Variants in MICALL1 observed in about 807,000 individuals in gnomAD.
MICALL1 encodes MICAL-like protein 1.
A neutral mutation model predicts 83.7 loss-of-function variants in MICALL1; 61 were observed. The ratio of observed to expected loss-of-function variants is 0.73; its 90% confidence interval spans 0.59 to 0.90. The LOEUF (loss-of-function observed/expected upper bound fraction) is 0.90. Among genes scored for constraint, MICALL1 ranks in the 40% least tolerant of loss-of-function variants. The pLI is 0.00. For missense variants in MICALL1, 1,066 were observed against 1,152.0 expected (o/e 0.93, Z 1.08); for synonymous variants, 481 against 473.6 (o/e 1.02, Z -0.20).
chr22:37,937,056 C>A, intron 13 of MICALL1, 24 bp from the exon 14 acceptor site: 1 of 1,545,456 alleles, frequency 6.5e-7, no homozygotes, highest in South Asian at 1.2e-5. Flanking sequence ...CCACTCATGC[C>A]CCCTAACTTT....
rs997489749 is a variant in MICALL1 at position 37,932,145 on chromosome 22, T to C, written c.2016+212T>C. On this transcript the variant is annotated intron_variant, in intron 10 of 15. Transcript: ENST00000215957. The surrounding 1 kb of genome is among the most constrained non-coding windows in gnomAD (Gnocchi z 4.4). ...ATCAGCCCTTCACCACCAAAAGCAG[T>C]GGGTGGTGCATTTAATTTGTTACTA... Among the ~76,000 whole-genome samples the C allele has an allele frequency of 2.6e-5, 4 of 152,172 alleles. No homozygotes were observed. Among genetic ancestry groups the C allele is most frequent in the Non-Finnish European group, 5.9e-5 (4 of 68,020 alleles).
At chr22:37,915,569 C>T (rs1199881567) in intron 3 of MICALL1, among the ~76,000 whole-genome samples, 1 of 151,916 alleles carries the variant, frequency 6.6e-6, no homozygotes, top group Non-Finnish European at 1.5e-5. Flanking sequence ...GAATAACACC[C>T]ATCTCACAGG....
At position 37,941,036 on chromosome 22, in the gene MICALL1, G is replaced by A; in HGVS notation, c.*206G>A. ...CTCTTGTTTCTTCTCCGAGCCCCAG[G>A]CAGCGGTGATTCAGCCCTGCCCAAC... On this transcript the variant is annotated 3_prime_UTR_variant, in exon 16 of 16. Coordinates refer to ENST00000215957, the MANE Select transcript of MICALL1 (RefSeq NM_033386.4). The A allele has an allele frequency of 1.7e-6, 1 of 582,942 alleles. No homozygotes were observed. The highest frequency in any genetic ancestry group is 1.9e-5 in the African/African-American group (1 of 52,912). The allele number at this position is 582,942 out of a possible 1,614,324, so 36.1% of individuals were successfully genotyped here. A position where few individuals can be genotyped will look rare whatever the true frequency, so the allele number is the denominator to read the frequency against.
In MICALL1 at chr22:37,925,739, C is replaced by G. The variant is rs568874587; in HGVS notation, c.1161C>G (p.Pro387=). Residue 387 remains proline, a synonymous_variant, in exon 8 of 16, where the codon CCC becomes CCG. Coordinates refer to ENST00000215957, the MANE Select transcript of MICALL1 (RefSeq NM_033386.4). ...CAAAGAAGAAGCCAGCCCCACTTCC[C>G]CCAAGCAGCAGCCCGGGGCCACCAA... ...AEPKKKPAPL[P]PSSSPGPPSQ... 6.2e-7 allele frequency: 1 copy of G among 1,612,466 alleles called. No individual in the cohort carries two copies. Among genetic ancestry groups the G allele is most frequent in the East Asian group, 2.2e-5 (1 of 44,862 alleles).
In MICALL1 at chr22:37,941,815, AGAG is replaced by A. The variant is rs763405390; in HGVS notation, c.*992_*994del. On this transcript the variant is annotated 3_prime_UTR_variant, in exon 16 of 16. Coordinates refer to ENST00000215957, the MANE Select transcript of MICALL1 (RefSeq NM_033386.4). ...CTCACCCCTCTGGGATGGCTATGGGAGAGGAGGAGTGATGGGGACCGCCACCTT... is the reference window on the plus strand; with the variant it reads ...CTCACCCCTCTGGGATGGCTATGGGAGAGGAGTGATGGGGACCGCCACCTT... 2.0e-5 allele frequency: 3 copies of A among 152,202 alleles called. No individual in the cohort carries two copies. The highest frequency in any genetic ancestry group is 2.9e-5 in the Non-Finnish European group (2 of 68,138). The allele number at this position is 152,202 out of a possible 1,614,324, so 9.4% of individuals were successfully genotyped here.
chr22:37,914,113 C>T (rs556460239), intron 3 of MICALL1, among the ~76,000 whole-genome samples: 39 of 151,026 alleles, frequency 2.6e-4, no homozygotes, highest in Middle Eastern at 3.5e-3. Context: ...TGACCTCAGG[C>T]GATCCACCTG....
intron 6 of MICALL1, among the ~76,000 whole-genome samples, chr22:37,922,653 A>G (rs1450644795): frequency 1.9e-5 from 2 of 107,470 alleles, no homozygotes; most frequent in Non-Finnish European, 3.5e-5. Flanking sequence ...CTTGTCCCCC[A>G]GGCTGGAGTG....
At chr22:37,931,972 G>A (rs1277694585) in intron 10 of MICALL1, 39 bp downstream of exon 10, 1 of 1,603,656 alleles carries the variant, frequency 6.2e-7, no homozygotes. Context: ...GCTGGCCTGG[G>A]CTGGCAACCC....
intron 9 of MICALL1, 129 bp from the exon 10 acceptor site, chr22:37,931,670 T>A (rs1178734837): frequency 6.3e-5 from 67 of 1,061,456 alleles, no homozygotes; most frequent in Non-Finnish European, 8.7e-5. Flanking sequence ...TCAAGGAGAC[T>A]GTCTCTTTGC....
At chr22:37,940,501 G>A (rs1378881796) in intron 15 of MICALL1, among the ~76,000 whole-genome samples, 2 of 152,158 alleles carry the variant, frequency 1.3e-5, no homozygotes, top group Non-Finnish European at 2.9e-5. Flanking sequence ...ACTGGAGGTG[G>A]GGAGGGGGAG....
At position 37,941,055 on chromosome 22, in the gene MICALL1, G is replaced by C. The variant is rs913019289; in HGVS notation, c.*225G>C. ...CCCCAGGCAGCGGTGATTCAGCCCTGCCCAACCTGATTCTGATGACTGCGG... is the reference window on the plus strand; with the variant it reads ...CCCCAGGCAGCGGTGATTCAGCCCTCCCCAACCTGATTCTGATGACTGCGG... On this transcript the variant is annotated 3_prime_UTR_variant, in exon 16 of 16. Coordinates refer to ENST00000215957, the MANE Select transcript of MICALL1 (RefSeq NM_033386.4). 1 of 497,392 alleles carries C rather than the reference G, an allele frequency of 2.0e-6. No individual in the cohort carries two copies. Among genetic ancestry groups the C allele is most frequent in the East Asian group, 4.0e-5 (1 of 25,042 alleles). 30.8% of individuals were successfully genotyped at this position (497,392 alleles called of 1,614,324 possible).
At chr22:37,918,147 A>AT (rs1176637591) in intron 4 of MICALL1, among the ~76,000 whole-genome samples, 1 of 152,158 alleles carries the variant, frequency 6.6e-6, no homozygotes, top group Non-Finnish European at 1.5e-5. Context: ...TAAAGCAAAG[A>AT]TTCCCCTTGA....
intron 1 of MICALL1, among the ~76,000 whole-genome samples, chr22:37,907,817 G>A (rs149004643): frequency 6.6e-6 from 1 of 152,354 alleles, no homozygotes; most frequent in Non-Finnish European, 1.5e-5. Flanking sequence ...AGGTGGTCAT[G>A]TAGGTGGGCC....
rs1489333228 is a variant in MICALL1, at chr22:37,906,537, G to A, written c.115G>A (p.Ala39Thr). Reference protein sequence around the residue: ...SSFRDGLAFCAILHRHRPDLL... With the variant: ...SSFRDGLAFCTILHRHRPDLL... ...CTTCCGGGACGGCCTGGCCTTCTGC[G>A]CCATCCTGCACCGGCACCGGCCCGA... Residue 39 changes from alanine to threonine, a missense_variant, in exon 1 of 16, where the codon GCC becomes ACC. Coordinates refer to ENST00000215957, the MANE Select transcript of MICALL1 (RefSeq NM_033386.4). This position sits in a 1 kb window ranked among gnomAD's most constrained non-coding sequence, Gnocchi z 4.4. 2.5e-6 allele frequency: 3 copies of A among 1,219,188 alleles called. No individual in the cohort carries two copies. The highest frequency in any genetic ancestry group is 3.1e-5 in the South Asian group (1 of 32,228). The allele number at this position is 1,219,188 out of a possible 1,614,324, so 75.5% of individuals were successfully genotyped here. A position where few individuals can be genotyped will look rare whatever the true frequency, so the allele number is the denominator to read the frequency against.
rs1929517837 is a variant in MICALL1 at position 37,927,428 on chromosome 22, C to T, written c.1483C>T (p.Leu495Phe). ...ASPLALHASR[L>F]SHSEPPSATP... ...CCGCACAGCTCTCCACGCCTCCCGC[C>T]TCTCGCACTCGGAGCCGCCCTCGGC... The change falls in exon 9 of 16, where the codon CTC becomes TTC. Residue 495 changes from leucine (L) to phenylalanine (F), a missense_variant. Physicochemically the swap from Leu to Phe is conservative, Grantham distance 22. Transcript: ENST00000215957. 6.3e-7 allele frequency: 1 copy of T among 1,589,354 alleles called. No individual in the cohort carries two copies. Among genetic ancestry groups the T allele is most frequent in the Non-Finnish European group, 8.6e-7 (1 of 1,166,672 alleles).
At chr22:37,928,711 A>G (rs1488344354) in intron 9 of MICALL1, among the ~76,000 whole-genome samples, 1 of 152,092 alleles carries the variant, frequency 6.6e-6, no homozygotes, top group African/African-American at 2.4e-5. Flanking sequence ...TTTGCCTCCC[A>G]TCCCCTCCAC....
At chr22:37,919,257 C>T in intron 5 of MICALL1, 79 bp downstream of exon 5, 1 of 1,394,052 alleles carries the variant, frequency 7.2e-7, no homozygotes, top group Non-Finnish European at 9.4e-7. Context: ...GTGCGCCAGG[C>T]ACCTTGCCAG....
At position 37,932,076 on chromosome 22, in the gene MICALL1, C is replaced by A; in HGVS notation, c.2016+143C>A. On this transcript the variant is annotated intron_variant, in intron 10 of 15. Transcript: ENST00000215957. This position sits in a 1 kb window ranked among gnomAD's most constrained non-coding sequence, Gnocchi z 4.4. ...TGCTCAAGAGAGCACTCTTGGCGGC[C>A]CAACTGGAAGGTCTAGCTTGCAGCC... is the stretch of plus-strand genomic sequence containing the variant. 1 of 1,270,862 alleles carries A rather than the reference C, an allele frequency of 7.9e-7. No homozygotes were observed. The highest frequency in any genetic ancestry group is 1.1e-6 in the Non-Finnish European group (1 of 940,546). The allele number at this position is 1,270,862 out of a possible 1,614,324, so 78.7% of individuals were successfully genotyped here.
intron 3 of MICALL1, among the ~76,000 whole-genome samples, chr22:37,915,757 T>C (rs1928637992): frequency 6.6e-6 from 1 of 151,396 alleles, no homozygotes; most frequent in Non-Finnish European, 1.5e-5. Context: ...GCGATTCTCA[T>C]GCCTCAGTCT....
Sources: allele counts gnomAD v4.1 joint callset (sites outside exome capture counted in the v4.1 genomes callset), GRCh38; gene constraint gnomAD v4.1.1; non-coding constraint Gnocchi (gnomAD v3.1); transcripts MANE v1.5; gene names NCBI Gene and HGNC (gene_info 2026-07-23, HGNC 2026-07-21).